Variants in AKT3 observed in about 807,000 individuals in gnomAD.
AKT3 encodes AKT serine/threonine kinase 3, also known as RAC-gamma serine/threonine-protein kinase.
In AKT3, 15 loss-of-function variants were observed where a neutral mutation model predicts 65.3. That is an observed-to-expected ratio of 0.23 (90% CI 0.15 to 0.35). The LOEUF (loss-of-function observed/expected upper bound fraction) is 0.35. AKT3 is among the 10% of genes least tolerant of loss of function. The pLI is 1.00. For synonymous variants in AKT3, 206 were observed against 183.8 expected, an observed-to-expected ratio of 1.12 and a Z score of -0.98; for missense variants, 243 against 576.5, an observed-to-expected ratio of 0.42 and a Z score of 5.92.
chr1:243,703,254 A>C (rs1685580565), intron 2 of AKT3, among the ~76,000 whole-genome samples: 2 of 152,240 alleles, frequency 1.3e-5, no homozygotes, highest in African/African-American at 4.8e-5. Context: ...TAATTATGTG[A>C]TACATCTTAA....
chr1:243,714,605 A>C (rs1686385572), intron 2 of AKT3, among the ~76,000 whole-genome samples: 1 of 152,174 alleles, frequency 6.6e-6, no homozygotes, highest in Admixed American at 6.5e-5. Context: ...CATATGTCCT[A>C]AAAATTTTAG....
At chr1:243,586,154 G>C (rs967722938) in intron 8 of AKT3, among the ~76,000 whole-genome samples, 1 of 152,188 alleles carries the variant, frequency 6.6e-6, no homozygotes, top group African/African-American at 2.4e-5. Context: ...TCAGGGAAAT[G>C]TAAATCAAAA....
chr1:243,570,321 TG>T lies in AKT3; in HGVS notation c.819+2604del, dbSNP rs201088955. ...GAGACAAATCTGAGACTGATCAAAGTGGGTACCTAAATCAGTTCATGATAAT... is the reference window on the plus strand; with the variant it reads ...GAGACAAATCTGAGACTGATCAAAGTGGTACCTAAATCAGTTCATGATAAT... On this transcript the variant is annotated intron_variant, in intron 9 of 13. Transcript: ENST00000673466. Among the ~76,000 whole-genome samples, 773 of 152,324 alleles carry T rather than the reference TG, an allele frequency of 5.1e-3. 9 individuals carry two copies. Among genetic ancestry groups the T allele is most frequent in the African/African-American group, 0.018 (735 of 41,568 alleles).
chr1:243,723,483 A>G (rs191469558), intron 2 of AKT3, among the ~76,000 whole-genome samples: 8 of 152,194 alleles, frequency 5.3e-5, no homozygotes, highest in Non-Finnish European at 1.2e-4. Flanking sequence ...ATAATTCACT[A>G]TGTCATATTA....
intron 8 of AKT3, among the ~76,000 whole-genome samples, chr1:243,574,497 G>A (rs1674797396): frequency 6.6e-6 from 1 of 151,824 alleles, no homozygotes; most frequent in Non-Finnish European, 1.5e-5. Flanking sequence ...AAAACACCAA[G>A]GTAAAAAAGG....
At chr1:243,622,663 T>C (rs927535759) in intron 6 of AKT3, among the ~76,000 whole-genome samples, 2 of 152,216 alleles carry the variant, frequency 1.3e-5, no homozygotes, top group African/African-American at 4.8e-5. Context: ...ACGAACTACA[T>C]GAAATAACTC....
chr1:243,488,702 G>A (rs1433315225), intron 13 of AKT3, among the ~76,000 whole-genome samples: 1 of 152,128 alleles, frequency 6.6e-6, no homozygotes, highest in Non-Finnish European at 1.5e-5. Context: ...CGGCATTTAG[G>A]CCCCTCATCT....
intron 2 of AKT3, among the ~76,000 whole-genome samples, chr1:243,804,261 A>G (rs974342128): frequency 1.3e-5 from 2 of 152,258 alleles, no homozygotes; most frequent in African/African-American, 4.8e-5. Context: ...AATTTGAAAC[A>G]TTTTAAAATT....
At chr1:243,559,301 C>T (rs1440248136) in intron 10 of AKT3, among the ~76,000 whole-genome samples, 7 of 152,034 alleles carry the variant, frequency 4.6e-5, no homozygotes, top group African/African-American at 1.4e-4. Context: ...AGAACTGAAC[C>T]GCTGTAACCT....
At chr1:243,640,330 T>A (rs796209368) in intron 5 of AKT3, among the ~76,000 whole-genome samples, 1 of 152,222 alleles carries the variant, frequency 6.6e-6, no homozygotes, top group Non-Finnish European at 1.5e-5. Flanking sequence ...TCTGCAAAGA[T>A]GGCTGCCACA....
chr1:243,745,202 G>T (rs990043343), intron 2 of AKT3, among the ~76,000 whole-genome samples: 1 of 151,908 alleles, frequency 6.6e-6, no homozygotes, highest in African/African-American at 2.4e-5. Context: ...GCCCGGCGTG[G>T]TGGTGTGCAC....
intron 2 of AKT3, among the ~76,000 whole-genome samples, chr1:243,705,540 T>G (rs1263325233): frequency 6.6e-6 from 1 of 152,196 alleles, no homozygotes; most frequent in Admixed American, 6.5e-5. Context: ...GCTTTTAAAT[T>G]ATTCTCTTAA....
intron 3 of AKT3, among the ~76,000 whole-genome samples, chr1:243,689,411 T>G (rs1306962526): frequency 6.6e-6 from 1 of 151,788 alleles, no homozygotes; most frequent in Non-Finnish European, 1.5e-5. Context: ...GTATGTCCAC[T>G]AGAAGTATTA....
intron 1 of AKT3, among the ~76,000 whole-genome samples, chr1:243,847,960 G>A (rs1398814235): frequency 6.6e-6 from 1 of 152,042 alleles, no homozygotes; most frequent in Non-Finnish European, 1.5e-5. Flanking sequence ...TAATAATTAT[G>A]GAAAGAAAAC....
At chr1:243,567,495 T>C (rs1674253206) in intron 9 of AKT3, among the ~76,000 whole-genome samples, 1 of 147,472 alleles carries the variant, frequency 6.8e-6, no homozygotes. Context: ...TCCTTTTTTT[T>C]TTTTTTTTTT....
At chr1:243,589,068 G>A (rs1357865940) in intron 8 of AKT3, among the ~76,000 whole-genome samples, 2 of 152,070 alleles carry the variant, frequency 1.3e-5, no homozygotes, top group Non-Finnish European at 2.9e-5. Context: ...AGCACTTTGA[G>A]AGGCTGAGGA....
rs946710696 is a variant in AKT3, at chr1:243,832,160, A to T, written c.46+10965T>A. On this transcript the variant is annotated intron_variant, in intron 2 of 13. Transcript: ENST00000673466. Reference sequence around the variant, plus strand: ...AAAAAAAAAAAAAAAAAAAAAAAAAAAAAAGACTAGATAACTTTTAAAGTC... The same window carrying T: ...AAAAAAAAAAAAAAAAAAAAAAAAATAAAAGACTAGATAACTTTTAAAGTC... Among the ~76,000 whole-genome samples, 12 of 84,612 alleles carry T rather than the reference A, an allele frequency of 1.4e-4. No individual in the cohort carries two copies. The East Asian group carries it at 4.0e-3, about 28-fold the overall frequency. The allele number at this position is 84,612 out of a possible 152,430, so 55.5% of individuals were successfully genotyped here.
At chr1:243,696,144 T>A (rs1364702547) in intron 2 of AKT3, among the ~76,000 whole-genome samples, 5 of 151,612 alleles carry the variant, frequency 3.3e-5, no homozygotes, top group Non-Finnish European at 7.4e-5. Flanking sequence ...ACTAATTGTG[T>A]CTTTTTTTTT....
chr1:243,781,181 G>C (rs1320257911), intron 2 of AKT3, among the ~76,000 whole-genome samples: 2 of 151,698 alleles, frequency 1.3e-5, no homozygotes, highest in East Asian at 3.9e-4. Flanking sequence ...ATAAACCCTT[G>C]TTTTACTTTA....
Sources: gnomAD v4.1 joint callset for allele counts (sites outside exome capture counted in the v4.1 genomes callset) on GRCh38, gnomAD v4.1.1 for gene constraint, MANE v1.5 for transcripts, NCBI Gene and HGNC (gene_info 2026-07-23, HGNC 2026-07-21) for gene names.